Variants in SLC5A3 observed in about 807,000 individuals in gnomAD.
SLC5A3 encodes solute carrier family 5 member 3, also known as sodium/myo-inositol cotransporter.
Under a neutral mutation model 43.2 loss-of-function variants are expected in SLC5A3, and 10 were observed. The ratio of observed to expected loss-of-function variants is 0.23; its 90% CI spans 0.14 to 0.39. SLC5A3 has a LOEUF of 0.39. SLC5A3 is among the 10% of genes least tolerant of loss of function. SLC5A3 has a pLI of 1.00. For synonymous variants in SLC5A3, 349 were observed against 322.0 expected, an observed-to-expected ratio of 1.08 and a Z score of -0.90; for missense variants, 608 against 893.4, an observed-to-expected ratio of 0.68 and a Z score of 4.07.
chr21:34,073,795 G>T, intron 1 of SLC5A3, 50 bp downstream of exon 1: 6 of 1,366,544 alleles, frequency 4.4e-6, no homozygotes, highest in Non-Finnish European at 5.8e-6. Flanking sequence ...CGCCCCCGCT[G>T]CCGCTAGGCC....
intron 1 of SLC5A3, among the ~76,000 whole-genome samples, chr21:34,087,392 T>G (rs373822929): frequency 2.0e-5 from 3 of 152,326 alleles, no homozygotes; most frequent in African/African-American, 7.2e-5. Flanking sequence ...ATTTTTTTAT[T>G]TAACAAACAT....
At position 34,104,385 on chromosome 21, in the gene SLC5A3, A is replaced by T; in HGVS notation, c.*7030A>T. 2.0e-6 allele frequency: 2 copies of T among 1,000,174 alleles called. No homozygotes were observed. The highest frequency in any genetic ancestry group is 2.4e-6 in the Non-Finnish European group (2 of 829,948). 62.0% of individuals were successfully genotyped at this position (1,000,174 alleles called of 1,614,324 possible). ...TTTCCACCTCCTCACTTCACCTCCG[A>T]GTAGCTTGTTTATCAAGAATGAATG... is the stretch of plus-strand genomic sequence containing the variant. On this transcript the variant is annotated 3_prime_UTR_variant, in exon 2 of 2. Coordinates refer to ENST00000381151, the MANE Select transcript of SLC5A3 (RefSeq NM_006933.7).
Position 34,097,043 on chromosome 21 carries a change from A to T in SLC5A3, c.1845A>T (p.Pro615=). ...TAACCTGCAGAGAGGAGGGCAACCC[A>T]GTGGCATCCTTAGGTCATTCAGAGG... The part of the protein sequence containing the change: ...LLVTCREEGN[P]VASLGHSEAE... Residue 615 remains proline, a synonymous_variant, in exon 2 of 2, where the codon CCA becomes CCT. Transcript: ENST00000381151. The T allele has an allele frequency of 1.2e-6, 2 of 1,614,152 alleles. No homozygotes were observed. The highest frequency in any genetic ancestry group is 1.7e-6 in the Non-Finnish European group (2 of 1,179,988).
intron 1 of SLC5A3, among the ~76,000 whole-genome samples, chr21:34,089,389 A>G (rs935183308): frequency 6.6e-6 from 1 of 151,720 alleles, no homozygotes; most frequent in Non-Finnish European, 1.5e-5. Context: ...GTGATCTAGT[A>G]TCATTCACAT....
At chr21:34,076,691 A>T (rs1989340606) in intron 1 of SLC5A3, among the ~76,000 whole-genome samples, 1 of 152,226 alleles carries the variant, frequency 6.6e-6, no homozygotes. Context: ...AGTAGGTAAA[A>T]GTGTGGTTAA....
rs1569419382 is a variant in SLC5A3 at position 34,104,373 on chromosome 21, A to C, written c.*7018A>C. The stretch of plus-strand genomic sequence containing the variant: ...CAGCATTGCCCTTTTCCACCTCCTC[A>C]CTTCACCTCCGAGTAGCTTGTTTAT... On this transcript the variant is annotated 3_prime_UTR_variant, in exon 2 of 2. Transcript: ENST00000381151. 2.0e-6 allele frequency: 2 copies of C among 1,000,026 alleles called. No homozygotes were observed. The highest frequency in any genetic ancestry group is 2.3e-4 in the East Asian group (2 of 8,826). The allele number at this position is 1,000,026 out of a possible 1,614,324, so 61.9% of individuals were successfully genotyped here.
chr21:34,104,739 G>A lies in SLC5A3; in HGVS notation c.*7384G>A. 1 of 1,000,314 alleles carries A rather than the reference G, an allele frequency of 1.0e-6. No individual in the cohort carries two copies. Among genetic ancestry groups the A allele is most frequent in the Non-Finnish European group, 1.2e-6 (1 of 830,012 alleles). 62.0% of individuals were successfully genotyped at this position (1,000,314 alleles called of 1,614,324 possible). On this transcript the variant is annotated 3_prime_UTR_variant, in exon 2 of 2. Transcript: ENST00000381151. The stretch of plus-strand genomic sequence containing the variant: ...ATTACCAGAAGTGCAGGAAAGAGAA[G>A]TTTGAGGAACACCCTTGGCTTAGCA...
chr21:34,101,171 A>G lies in SLC5A3; in HGVS notation c.*3816A>G. ...TGAGATAAGTACCTGGGTGACACAG[A>G]TATTAGCCCGTTGGTAAAAGACAAC... On this transcript the variant is annotated 3_prime_UTR_variant, in exon 2 of 2. Coordinates refer to ENST00000381151, the MANE Select transcript of SLC5A3 (RefSeq NM_006933.7). The G allele has an allele frequency of 1.0e-6, 1 of 1,000,160 alleles. No individual in the cohort carries two copies. The highest frequency in any genetic ancestry group is 1.2e-6 in the Non-Finnish European group (1 of 829,966). The allele number at this position is 1,000,160 out of a possible 1,614,324, so 62.0% of individuals were successfully genotyped here.
chr21:34,101,239 A>G lies in SLC5A3; in HGVS notation c.*3884A>G. ...CTGCATATGTAGAATCATTTTCATT[A>G]GATTTAGAGCTTGAAGCACCTTGGC... On this transcript the variant is annotated 3_prime_UTR_variant, in exon 2 of 2. Transcript: ENST00000381151. 1 of 1,000,108 alleles carries G rather than the reference A, an allele frequency of 1.0e-6. No homozygotes were observed. Among genetic ancestry groups the G allele is most frequent in the Non-Finnish European group, 1.2e-6 (1 of 829,876 alleles). The allele number at this position is 1,000,108 out of a possible 1,614,324, so 62.0% of individuals were successfully genotyped here. A position where few individuals can be genotyped will look rare whatever the true frequency, so the allele number is the denominator to read the frequency against.
In SLC5A3 at chr21:34,100,560, C is replaced by T; in HGVS notation, c.*3205C>T. The T allele has an allele frequency of 1.0e-6, 1 of 1,000,222 alleles. No individual in the cohort carries two copies. Among genetic ancestry groups the T allele is most frequent in the Non-Finnish European group, 1.2e-6 (1 of 829,980 alleles). The allele number at this position is 1,000,222 out of a possible 1,614,324, so 62.0% of individuals were successfully genotyped here. On this transcript the variant is annotated 3_prime_UTR_variant, in exon 2 of 2. Coordinates refer to ENST00000381151, the MANE Select transcript of SLC5A3 (RefSeq NM_006933.7). Reference sequence around the variant, plus strand: ...GCTCAAAGGATCCATTGTATTTTGGCACAAAGAGCCTGGCCAGGGTCATGT... The same window carrying T: ...GCTCAAAGGATCCATTGTATTTTGGTACAAAGAGCCTGGCCAGGGTCATGT...
chr21:34,074,959 A>G (rs1989291097), intron 1 of SLC5A3, among the ~76,000 whole-genome samples: 1 of 152,238 alleles, frequency 6.6e-6, no homozygotes, highest in African/African-American at 2.4e-5. Context: ...CTGGCCAGGC[A>G]TGCCATTGTG....
chr21:34,104,125 A>T lies in SLC5A3; in HGVS notation c.*6770A>T. 1 of 999,564 alleles carries T rather than the reference A, an allele frequency of 1.0e-6. No individual in the cohort carries two copies. The highest frequency in any genetic ancestry group is 1.2e-6 in the Non-Finnish European group (1 of 829,760). The allele number at this position is 999,564 out of a possible 1,614,324, so 61.9% of individuals were successfully genotyped here. ...GTATGTGAGAGATGAAGTTACCTTT[A>T]TTTTTTTCCTATACTTGACTGTGCT... On this transcript the variant is annotated 3_prime_UTR_variant, in exon 2 of 2. Transcript: ENST00000381151.
Position 34,096,368 on chromosome 21 carries a change from C to T in SLC5A3, c.1170C>T (p.Phe390=), listed in dbSNP as rs754217121. ...TCTTTAACAGTGCCAGTACCATATT[C>T]ACCCTCGATGTGTACAAACTTATCC... ...DSIFNSASTI[F]TLDVYKLIRK... Residue 390 remains phenylalanine, a synonymous_variant, in exon 2 of 2, where the codon TTC becomes TTT. Transcript: ENST00000381151. The surrounding 1 kb of genome is among the most constrained non-coding windows in gnomAD (Gnocchi z 5.9). The T allele has an allele frequency of 6.2e-7, 1 of 1,614,186 alleles. No individual in the cohort carries two copies. The highest frequency in any genetic ancestry group is 8.5e-7 in the Non-Finnish European group (1 of 1,180,022).
chr21:34,080,367 GT>G (rs1019440918), intron 1 of SLC5A3, among the ~76,000 whole-genome samples: 2 of 152,006 alleles, frequency 1.3e-5, no homozygotes, highest in East Asian at 3.9e-4. Context: ...TCATCTTTCA[GT>G]TTTTTTCCAC....
intron 1 of SLC5A3, among the ~76,000 whole-genome samples, chr21:34,082,250 A>G (rs911122228): frequency 6.6e-6 from 1 of 152,148 alleles, no homozygotes; most frequent in Non-Finnish European, 1.5e-5. Flanking sequence ...TTGCAGTAGG[A>G]CTGATTTCAG....
At position 34,097,139 on chromosome 21, in the gene SLC5A3, A is replaced by G. The variant is rs768983116; in HGVS notation, c.1941A>G (p.Glu647=). The G allele has an allele frequency of 6.2e-7, 1 of 1,614,038 alleles. No homozygotes were observed. Among genetic ancestry groups the G allele is most frequent in the East Asian group, 2.2e-5 (1 of 44,870 alleles). ...TGGGTGAGAAAGAGAGAAAGAAAGAAACGGATGATGGAGGTCGGTACTGGA... is the reference window on the plus strand; with the variant it reads ...TGGGTGAGAAAGAGAGAAAGAAAGAGACGGATGATGGAGGTCGGTACTGGA... The part of the protein sequence containing the change: ...ALMGEKERKK[E]TDDGGRYWKF... The change falls in exon 2 of 2, where the codon GAA becomes GAG. Residue 647 remains glutamate (E), a synonymous_variant. Transcript: ENST00000381151.
rs910248109 is a variant in SLC5A3, at chr21:34,104,454, T to C, written c.*7099T>C. On this transcript the variant is annotated 3_prime_UTR_variant, in exon 2 of 2. Coordinates refer to ENST00000381151, the MANE Select transcript of SLC5A3 (RefSeq NM_006933.7). ...TTTGCCCATGTGTTAAAAGATGTAA[T>C]TCTCAGAATGGGAGAGAAATGACTA... 1.1e-5 allele frequency: 11 copies of C among 999,554 alleles called. No individual in the cohort carries two copies. The African/African-American group carries it at 1.9e-4, about 17-fold the overall frequency. 61.9% of individuals were successfully genotyped at this position (999,554 alleles called of 1,614,324 possible).
rs1978896869 is a variant in SLC5A3 at position 34,094,960 on chromosome 21, A to T, written c.-239A>T. 1 of 488,452 alleles carries T rather than the reference A, an allele frequency of 2.0e-6. No individual in the cohort carries two copies. Among genetic ancestry groups the T allele is most frequent in the Admixed American group, 3.8e-5 (1 of 26,544 alleles). 30.3% of individuals were successfully genotyped at this position (488,452 alleles called of 1,614,324 possible). Reference sequence around the variant, plus strand: ...ATGGTCTTGTGGAGAGTGGATTAAGAGTACGAGCTAAGTTCTCAATCCCAA... The same window carrying T: ...ATGGTCTTGTGGAGAGTGGATTAAGTGTACGAGCTAAGTTCTCAATCCCAA... On this transcript the variant is annotated 5_prime_UTR_variant, in exon 2 of 2. Transcript: ENST00000381151.
At position 34,094,870 on chromosome 21, in the gene SLC5A3, A is replaced by T. The variant is rs1223626988; in HGVS notation, c.-329A>T. ...GTCTCTGCTGCCTTGCAGGGTTGGTACAGTAGGCTTCACTAGACTTAGCTG... is the reference window on the plus strand; with the variant it reads ...GTCTCTGCTGCCTTGCAGGGTTGGTTCAGTAGGCTTCACTAGACTTAGCTG... On this transcript the variant is annotated 5_prime_UTR_variant, in exon 2 of 2. Transcript: ENST00000381151. 2.3e-5 allele frequency: 6 copies of T among 256,798 alleles called. No homozygotes were observed. The highest frequency in any genetic ancestry group is 3.7e-5 in the Non-Finnish European group (5 of 136,608). The allele number at this position is 256,798 out of a possible 1,614,324, so 15.9% of individuals were successfully genotyped here.
Sources: gnomAD v4.1 joint callset for allele counts (sites outside exome capture counted in the v4.1 genomes callset) on GRCh38, gnomAD v4.1.1 for gene constraint, Gnocchi (gnomAD v3.1) non-coding constraint, MANE v1.5 for transcripts, NCBI Gene and HGNC (gene_info 2026-07-23, HGNC 2026-07-21) for gene names.